The following USP50 variants were observed in gnomAD, a reference collection of about 807,000 sequenced individuals.
USP50 encodes the protein ubiquitin carboxyl-terminal hydrolase 50.
A neutral mutation model predicts 39.2 loss-of-function variants in USP50; 37 were observed. The ratio of observed to expected loss-of-function variants is 0.94; its 90% confidence interval spans 0.73 to 1.24. The LOEUF is 1.24. Ranked by LOEUF, USP50 falls within the 50% of genes most tolerant of loss-of-function variation. USP50 has a pLI of 0.00. For missense variants in USP50, 374 were observed against 398.2 expected (o/e 0.94, Z 0.52); for synonymous variants, 139 against 144.5 (o/e 0.96, Z 0.27).
At chr15:50,513,752 A>G (rs570442594) in intron 6 of USP50, 6 of 152,326 alleles carry the variant, frequency 3.9e-5, no homozygotes, top group African/African-American at 1.4e-4. Flanking sequence ...CCAAAACAAA[A>G]CGAACAAAAG....
chr15:50,526,111 C>G (rs1050836344), intron 6 of USP50, among the ~76,000 whole-genome samples: 1 of 152,012 alleles, frequency 6.6e-6, no homozygotes. Context: ...TAGGCCGGAG[C>G]GCAGTGGCAC....
At position 50,546,475 on chromosome 15, in the gene USP50, G is replaced by A; in HGVS notation, c.51C>T (p.Val17=). The A allele has an allele frequency of 6.2e-7, 1 of 1,613,626 alleles. No homozygotes were observed. Among genetic ancestry groups the A allele is most frequent in the Non-Finnish European group, 8.5e-7 (1 of 1,179,612 alleles). The change falls in exon 1 of 7, where the codon GTC becomes GTT. Residue 17 remains valine (V), a splice_region_variant and synonymous_variant. Coordinates refer to ENST00000532404, the MANE Select transcript of USP50 (RefSeq NM_203494.5). Reference sequence around the variant, plus strand: ...AGCTGTAGTAGATCAAGGCTCACAGGACGTGGTAGATATCGAAGTCATCTG... The same window carrying A: ...AGCTGTAGTAGATCAAGGCTCACAGAACGTGGTAGATATCGAAGTCATCTG... ...LPADDFDIYH[V]LAECTDYYDT... is the part of the protein sequence containing the mutation.
At position 50,529,900 on chromosome 15, in the gene USP50, T is replaced by C; in HGVS notation, c.833A>G (p.Lys278Arg). Residue 278 changes from lysine (K) to arginine (R), a missense_variant, in exon 6 of 7, where the codon AAG (lysine) becomes AGG (arginine). Transcript: ENST00000532404. ...TGGGTAATGAATATCCGTTCTCAGC[T>C]TCCTTTTTGTTGTACCCTGAATGTC... ...RFDIQGTTKR[K>R]LRTDIHYPLT... is the part of the protein sequence containing the mutation. The C allele has an allele frequency of 6.2e-7, 1 of 1,614,020 alleles. No individual in the cohort carries two copies. Among genetic ancestry groups the C allele is most frequent in the Non-Finnish European group, 8.5e-7 (1 of 1,179,886 alleles).
Position 50,544,704 on chromosome 15 carries a change from G to A in USP50, c.131C>T (p.Thr44Ile), listed in dbSNP as rs1324643889. Residue 44 changes from threonine to isoleucine, a missense_variant, in exon 2 of 7, where the codon ACT (threonine) becomes ATT (isoleucine). Physicochemically the swap from Thr to Ile is moderately conservative, Grantham distance 89. Coordinates refer to ENST00000532404, the MANE Select transcript of USP50 (RefSeq NM_203494.5). ...DGNQPHFQGV[T>I]GLWNLGNTCC... ...TGTGTTGCCCAAGTTCCACAAGCCA[G>A]TGACACCCTGAAAATGGGGCTGGTT... The A allele has an allele frequency of 6.2e-7, 1 of 1,613,882 alleles. No individual in the cohort carries two copies. The highest frequency in any genetic ancestry group is 1.3e-5 in the African/African-American group (1 of 74,910).
Position 50,500,664 on chromosome 15 carries a change from T to C in USP50, c.*105A>G, listed in dbSNP as rs2052566594. The C allele has an allele frequency of 9.0e-7, 1 of 1,116,632 alleles. No individual in the cohort carries two copies. The highest frequency in any genetic ancestry group is 1.3e-6 in the Non-Finnish European group (1 of 759,826). The allele number at this position is 1,116,632 out of a possible 1,614,324, so 69.2% of individuals were successfully genotyped here. ...ACCATTTTCCTGGCTCTTAACGCTT[T>C]TGTATTGGTATGGAAAAGGGCTGGC... is the stretch of plus-strand genomic sequence containing the variant. On this transcript the variant is annotated 3_prime_UTR_variant, in exon 7 of 7. Transcript: ENST00000532404.
chr15:50,525,636 GTA>G (rs1459531143), intron 6 of USP50, among the ~76,000 whole-genome samples: 19 of 94,904 alleles, frequency 2.0e-4, no homozygotes, highest in East Asian at 5.0e-4. Flanking sequence ...ATGTATATAT[GTA>G]TATGTGTATA....
intron 6 of USP50, among the ~76,000 whole-genome samples, chr15:50,524,935 C>T (rs762809341): frequency 1.1e-4 from 17 of 151,870 alleles, no homozygotes; most frequent in African/African-American, 3.1e-4. Flanking sequence ...TGTGGATATA[C>T]GTCCAAAGGA....
intron 4 of USP50, among the ~76,000 whole-genome samples, chr15:50,540,675 G>A (rs1429305924): frequency 6.6e-6 from 1 of 152,002 alleles, no homozygotes; most frequent in East Asian, 1.9e-4. Flanking sequence ...CCAGGCTGGG[G>A]TGCAGTAGTG....
At chr15:50,507,780 G>A (rs2052681827) in intron 6 of USP50, 1 of 152,078 alleles carries the variant, frequency 6.6e-6, no homozygotes, top group Admixed American at 6.6e-5. Context: ...ATGTAAAAGA[G>A]TTAGTTTAGG....
intron 5 of USP50, among the ~76,000 whole-genome samples, chr15:50,536,100 T>C (rs2052977922): frequency 6.6e-6 from 1 of 152,166 alleles, no homozygotes; most frequent in African/African-American, 2.4e-5. Context: ...ACCACTACTT[T>C]TCAACATTGT....
At position 50,546,511 on chromosome 15, in the gene USP50, C is replaced by T. The variant is rs755371001; in HGVS notation, c.15G>A (p.Pro5=). 157 of 1,613,510 alleles carry T rather than the reference C, an allele frequency of 9.7e-5. No homozygotes were observed. The highest frequency in any genetic ancestry group is 1.3e-4 in the East Asian group (6 of 44,886). Residue 5 remains proline, a synonymous_variant, in exon 1 of 7, where the codon CCG becomes CCA. Coordinates refer to ENST00000532404, the MANE Select transcript of USP50 (RefSeq NM_203494.5). Reference sequence around the variant, plus strand: ...TATCGAAGTCATCTGCAGGGAGAGACGGCTGAGAAGTCATTTTAATGGAAC... The same window carrying T: ...TATCGAAGTCATCTGCAGGGAGAGATGGCTGAGAAGTCATTTTAATGGAAC... The part of the protein sequence containing the change: MTSQ[P]SLPADDFDIY...
intron 6 of USP50, chr15:50,507,047 C>G (rs1277358052): frequency 6.6e-6 from 1 of 150,490 alleles, no homozygotes; most frequent in African/African-American, 2.5e-5. Flanking sequence ...CTTTGGGAGG[C>G]CAAGGCAGGC....
chr15:50,545,589 G>T, intron 1 of USP50, among the ~76,000 whole-genome samples: 1 of 150,504 alleles, frequency 6.6e-6, no homozygotes, highest in Admixed American at 6.6e-5. Context: ...TGTATGTATG[G>T]CATATATATT....
intron 6 of USP50, among the ~76,000 whole-genome samples, chr15:50,521,401 T>C (rs1357175136): frequency 1.3e-5 from 2 of 152,176 alleles, no homozygotes; most frequent in East Asian, 3.8e-4. Flanking sequence ...CACATGTACC[T>C]TGTATGTACA....
intron 1 of USP50, 79 bp from the exon 2 acceptor site, chr15:50,544,860 T>G: frequency 7.4e-7 from 1 of 1,356,054 alleles, no homozygotes. Context: ...CTCTTAATAT[T>G]ATGAAATAAA....
At chr15:50,544,954 A>G (rs2053060341) in intron 1 of USP50, among the ~76,000 whole-genome samples, 173 bp from the exon 2 acceptor site, 1 of 152,146 alleles carries the variant, frequency 6.6e-6, no homozygotes, top group African/African-American at 2.4e-5. Context: ...AAATTGTATT[A>G]TGGCAGAGCA....
At chr15:50,495,203 TAC>T (rs577089941) in intron 1 of USP50, among the ~76,000 whole-genome samples, 11 of 148,980 alleles carry the variant, frequency 7.4e-5, no homozygotes, top group African/African-American at 2.4e-4. Context: ...TATATATATA[TAC>T]ACACACACCT....
intron 6 of USP50, 121 bp downstream of exon 6, chr15:50,529,676 G>T: frequency 9.2e-7 from 1 of 1,089,444 alleles, no homozygotes; most frequent in Non-Finnish European, 1.3e-6. Flanking sequence ...GAGTTTCCTG[G>T]TCTATATTTT....
chr15:50,537,796 G>C (rs1162870508), intron 5 of USP50, among the ~76,000 whole-genome samples: 3 of 146,590 alleles, frequency 2.0e-5, no homozygotes, highest in African/African-American at 7.6e-5. Flanking sequence ...GGAAGTGGAG[G>C]CTGCAAGAAC....
Sources: allele counts gnomAD v4.1 joint callset (sites outside exome capture counted in the v4.1 genomes callset), GRCh38; gene constraint gnomAD v4.1.1; transcripts MANE v1.5; gene names NCBI Gene and HGNC (gene_info 2026-07-23, HGNC 2026-07-21).